Variants in ARHGAP12 observed in about 807,000 individuals in gnomAD.
The protein encoded by ARHGAP12 is Rho GTPase activating protein 12.
In ARHGAP12, 64 loss-of-function variants were observed where a neutral mutation model predicts 108.6. The observed-to-expected ratio is 0.59, with a 90% confidence interval of 0.48 to 0.73. The LOEUF (loss-of-function observed/expected upper bound fraction) is 0.73, where lower values mean the gene tolerates loss of function less well. Among genes scored for constraint, ARHGAP12 ranks in the 30% least tolerant of loss-of-function variants. The probability of loss-of-function intolerance (pLI) is 0.00; values close to 1 mark genes in which losing one functional copy is unlikely to be tolerated. For synonymous variants in ARHGAP12, 312 were observed against 337.2 expected, an observed-to-expected ratio of 0.93 and a Z score of 0.82; for missense variants, 940 against 1,005.9, an observed-to-expected ratio of 0.93 and a Z score of 0.89.
rs1226624222 is a variant in ARHGAP12 at position 31,852,751 on chromosome 10, T to C, written c.1090-154A>G. On this transcript the variant is annotated intron_variant, in intron 5 of 19. Coordinates refer to ENST00000344936, the MANE Select transcript of ARHGAP12 (RefSeq NM_018287.7). ...ATTCTTTTTTTTTTTTTTTTTTTTT[T>C]TGAGAGCCCAGGCTGGAGTGCAATG... Among the ~76,000 whole-genome samples the C allele has an allele frequency of 3.9e-5, 4 of 103,882 alleles. No individual in the cohort carries two copies. The Admixed American group carries it at 4.3e-4, about 11-fold the overall frequency. The allele number at this position is 103,882 out of a possible 152,430, so 68.2% of individuals were successfully genotyped here.
intron 3 of ARHGAP12, among the ~76,000 whole-genome samples, chr10:31,903,939 T>TA (rs1839024349): frequency 6.6e-6 from 1 of 152,034 alleles, no homozygotes; most frequent in African/African-American, 2.4e-5. Flanking sequence ...ATGGCTAAAA[T>TA]AAAAAAATAG....
chr10:31,890,759 G>C (rs1838394025), intron 3 of ARHGAP12, among the ~76,000 whole-genome samples: 3 of 152,050 alleles, frequency 2.0e-5, no homozygotes, highest in Admixed American at 6.6e-5. Flanking sequence ...AACAGATTTA[G>C]TAAAATCTCT....
At chr10:31,917,191 T>C (rs958692628) in intron 1 of ARHGAP12, among the ~76,000 whole-genome samples, 1 of 151,736 alleles carries the variant, frequency 6.6e-6, no homozygotes, top group African/African-American at 2.4e-5. Context: ...GGGCAGATCA[T>C]GAGGTCAGGA....
intron 9 of ARHGAP12, among the ~76,000 whole-genome samples, chr10:31,836,188 G>A (rs1836008588): frequency 6.6e-6 from 1 of 151,922 alleles, no homozygotes; most frequent in Admixed American, 6.6e-5. Context: ...ATTGATTAAT[G>A]CATATTAATA....
At chr10:31,844,697 CTTT>C (rs369721681) in intron 6 of ARHGAP12, among the ~76,000 whole-genome samples, 5 of 128,638 alleles carry the variant, frequency 3.9e-5, no homozygotes, top group Admixed American at 7.9e-5. Flanking sequence ...GCACACTTGG[CTTT>C]TTTTTTTTTT....
At chr10:31,869,168 A>T (rs748923206) in intron 3 of ARHGAP12, among the ~76,000 whole-genome samples, 29 of 152,354 alleles carry the variant, frequency 1.9e-4, no homozygotes, top group Middle Eastern at 3.4e-3. Flanking sequence ...AATAAAAATC[A>T]GCTTTCTAAC....
At chr10:31,840,352 C>T (rs944005801) in intron 7 of ARHGAP12, among the ~76,000 whole-genome samples, 13 of 144,606 alleles carry the variant, frequency 9.0e-5, no homozygotes, top group African/African-American at 3.0e-4. Context: ...AAACCAATAA[C>T]GTGTTTTTTT....
intron 3 of ARHGAP12, among the ~76,000 whole-genome samples, chr10:31,864,392 A>G (rs528528522): frequency 6.6e-6 from 1 of 152,304 alleles, no homozygotes; most frequent in South Asian, 2.1e-4. Flanking sequence ...AACCTTCCTC[A>G]GGTACCTAAA....
At chr10:31,873,995 C>G (rs1195464212) in intron 3 of ARHGAP12, among the ~76,000 whole-genome samples, 1 of 152,164 alleles carries the variant, frequency 6.6e-6, no homozygotes, top group African/African-American at 2.4e-5. Context: ...GTAACTCTAT[C>G]ATCAGCATTC....
chr10:31,919,463 T>C (rs116407300), intron 1 of ARHGAP12, among the ~76,000 whole-genome samples: 1,895 of 152,288 alleles, frequency 0.012, 36 homozygotes, highest in African/African-American at 0.043. Flanking sequence ...CACAAGTAAC[T>C]AAAATCCTCA....
At chr10:31,855,708 G>C (rs1245617250) in intron 4 of ARHGAP12, among the ~76,000 whole-genome samples, 1 of 152,166 alleles carries the variant, frequency 6.6e-6, no homozygotes, top group Non-Finnish European at 1.5e-5. Context: ...AAGGGCAACT[G>C]AATTAGTAAA....
At chr10:31,839,995 A>G (rs530209248) in intron 7 of ARHGAP12, among the ~76,000 whole-genome samples, 62 of 152,238 alleles carry the variant, frequency 4.1e-4, no homozygotes, top group African/African-American at 1.3e-3. Context: ...TCATGATGTT[A>G]TATCAGTTTG....
chr10:31,846,187 A>G (rs1485127769), intron 6 of ARHGAP12, among the ~76,000 whole-genome samples: 7 of 152,202 alleles, frequency 4.6e-5, no homozygotes, highest in Admixed American at 4.6e-4. Flanking sequence ...TTTATGAAAC[A>G]GTTGTCTTAA....
intron 10 of ARHGAP12, among the ~76,000 whole-genome samples, chr10:31,830,048 T>A (rs1252883585): frequency 1.3e-5 from 2 of 152,294 alleles, no homozygotes; most frequent in African/African-American, 4.8e-5. Flanking sequence ...CTCATGGAAA[T>A]TTTTTGTCTT....
rs775447427 is a variant in ARHGAP12, at chr10:31,861,655, T to C, written c.688A>G (p.Thr230Ala). The C allele has an allele frequency of 3.3e-5, 52 of 1,586,772 alleles. No homozygotes were observed. The highest frequency in any genetic ancestry group is 2.5e-4 in the Admixed American group (13 of 52,238). ...SSSSTEQIRA[T>A]TPPNQGRPDS... is the part of the protein sequence containing the mutation. ...GGCCTTCCTTGATTTGGAGGTGTGG[T>C]TGCCTGTGAAATAAACATTTTTAAA... Residue 230 changes from threonine to alanine, a missense_variant, in exon 4 of 20, where the codon ACC becomes GCC. Coordinates refer to ENST00000344936, the MANE Select transcript of ARHGAP12 (RefSeq NM_018287.7).
chr10:31,812,602 A>C (rs1835061813), intron 15 of ARHGAP12, 105 bp downstream of exon 15: 2 of 727,850 alleles, frequency 2.7e-6, no homozygotes, highest in Admixed American at 2.6e-5. Flanking sequence ...ACATGAATAA[A>C]GAATAATATT....
rs565024348 is a variant in ARHGAP12 at position 31,895,724 on chromosome 10, C to A, written c.684+12448G>T. Among the ~76,000 whole-genome samples the A allele has an allele frequency of 1.1e-4, 16 of 152,284 alleles. No individual in the cohort carries two copies. The South Asian group carries it at 3.3e-3, about 32-fold the overall frequency. ...GAACTAGAAATACCATTTGACCCAG[C>A]CAACCCATTACTGGGTATATACCCC... is the stretch of plus-strand genomic sequence containing the variant. On this transcript the variant is annotated intron_variant, in intron 3 of 19. Transcript: ENST00000344936.
chr10:31,904,899 A>T (rs939949736), intron 3 of ARHGAP12, among the ~76,000 whole-genome samples: 1 of 151,942 alleles, frequency 6.6e-6, no homozygotes, highest in African/African-American at 2.4e-5. Flanking sequence ...AAGTGCTGGG[A>T]TTACAAGCAT....
intron 3 of ARHGAP12, among the ~76,000 whole-genome samples, chr10:31,863,540 A>T (rs1391500805): frequency 6.6e-5 from 10 of 152,332 alleles, no homozygotes; most frequent in African/African-American, 2.4e-4. Context: ...TTTTCCAGCT[A>T]GAAAAACCTG....
Sources: gnomAD v4.1 joint callset for allele counts (sites outside exome capture counted in the v4.1 genomes callset) on GRCh38, gnomAD v4.1.1 for gene constraint, MANE v1.5 for transcripts, NCBI Gene and HGNC (gene_info 2026-07-23, HGNC 2026-07-21) for gene names.